The following PACRG variants were observed in gnomAD, a reference collection of about 807,000 sequenced individuals.
PACRG encodes parkin coregulated, also known as parkin coregulated gene protein.
Under a neutral mutation model 29.7 loss-of-function variants are expected in PACRG, and 29 were observed. That is an observed-to-expected ratio of 0.98 (90% CI 0.73 to 1.33). PACRG has a LOEUF of 1.33. Among genes scored for constraint, PACRG ranks in the 40% most tolerant of loss-of-function variants. The pLI is 0.00. For synonymous variants in PACRG, 116 were observed against 118.7 expected (o/e 0.98, Z 0.15); for missense variants, 279 against 316.2 (o/e 0.88, Z 0.89).
chr6:162,882,553 T>C (rs563363346), intron 2 of PACRG, among the ~76,000 whole-genome samples: 1 of 152,036 alleles, frequency 6.6e-6, no homozygotes, highest in Non-Finnish European at 1.5e-5. Flanking sequence ...AGAGGAAGAG[T>C]GTGTAGACCT....
chr6:162,744,899 C>T (rs1044403115), intron 1 of PACRG, among the ~76,000 whole-genome samples: 14 of 151,964 alleles, frequency 9.2e-5, no homozygotes, highest in African/African-American at 2.9e-4. Flanking sequence ...TGTATTTTTT[C>T]GTCTTTTTTT....
At chr6:162,943,922 G>GCTCACACCACACCTGCCATCC (rs2128122336) in intron 2 of PACRG, among the ~76,000 whole-genome samples, 1 of 152,076 alleles carries the variant, frequency 6.6e-6, no homozygotes, top group East Asian at 1.9e-4. Flanking sequence ...TACTGCCATT[G>GCTCACACCACACCTGCCATCC]CTCACACCAC....
At chr6:163,097,173 A>T (rs1814676010) in intron 4 of PACRG, among the ~76,000 whole-genome samples, 1 of 152,144 alleles carries the variant, frequency 6.6e-6, no homozygotes, top group Admixed American at 6.5e-5. Context: ...TCTGTTTTCG[A>T]TTGGCCCTTA....
intron 2 of PACRG, among the ~76,000 whole-genome samples, chr6:162,949,118 G>A (rs546973097): frequency 6.6e-6 from 1 of 152,132 alleles, no homozygotes; most frequent in South Asian, 2.1e-4. Flanking sequence ...GTATATGAAT[G>A]CATTTTAAAA....
intron 4 of PACRG, among the ~76,000 whole-genome samples, chr6:163,160,010 A>T (rs1006322815): frequency 9.2e-5 from 14 of 152,076 alleles, no homozygotes; most frequent in African/African-American, 3.4e-4. Context: ...GTTGGTTAGC[A>T]CTTCTCTGTA....
rs142437511 is a variant in PACRG, at chr6:163,285,248, C to G, written c.614-29579C>G. Reference sequence around the variant, plus strand: ...CTGAACAGATCCAACTCTCCCCTACCGCAGGGCCTTTGCGCAAACCCTTCT... The same window carrying G: ...CTGAACAGATCCAACTCTCCCCTACGGCAGGGCCTTTGCGCAAACCCTTCT... On this transcript the variant is annotated intron_variant, in intron 4 of 4. Transcript: ENST00000366888. Among the ~76,000 whole-genome samples the G allele has an allele frequency of 2.2e-3, 329 of 152,186 alleles. 6 individuals carry two copies. Among genetic ancestry groups the G allele is most frequent in the Admixed American group, 0.019 (297 of 15,274 alleles).
At chr6:162,994,534 C>T (rs926848494) in intron 2 of PACRG, among the ~76,000 whole-genome samples, 17 of 152,158 alleles carry the variant, frequency 1.1e-4, no homozygotes, top group East Asian at 9.7e-4. Flanking sequence ...TTGATCGCAT[C>T]GGCTCTTGAG....
At chr6:162,892,684 G>C (rs1011202347) in intron 2 of PACRG, among the ~76,000 whole-genome samples, 1 of 152,178 alleles carries the variant, frequency 6.6e-6, no homozygotes, top group African/African-American at 2.4e-5. Flanking sequence ...CCCCCCTACA[G>C]TGGTTCACAC....
rs189864155 is a variant in PACRG at position 163,190,721 on chromosome 6, A to C, written c.613+101313A>C. On this transcript the variant is annotated intron_variant, in intron 4 of 4. Coordinates refer to ENST00000366888, the MANE Select transcript of PACRG (RefSeq NM_001080379.2). ...AGTAAAATTTGTTTTGGAGCCTAGA[A>C]CTAGAATTGGGCAAAAGTGTAGGGC... 5.4e-5 allele frequency: 12 copies of C among 222,780 alleles called. No individual in the cohort carries two copies. The East Asian group carries it at 1.5e-3, about 27-fold the overall frequency. The allele number at this position is 222,780 out of a possible 1,614,324, so 13.8% of individuals were successfully genotyped here.
Position 162,747,450 on chromosome 6 carries a change from AT to A in PACRG, c.156+19060del, listed in dbSNP as rs1562557104. 4.3e-5 allele frequency among the ~76,000 whole-genome samples: 5 copies of A among 115,676 alleles called. 1 individual carries two copies. The highest frequency in any genetic ancestry group is 1.9e-4 in the African/African-American group (5 of 26,866). The allele number at this position is 115,676 out of a possible 152,430, so 75.9% of individuals were successfully genotyped here. ...TATATATGTAAAACTATATATATATATAACTATAAATATATATGTAAAACTA... is the reference window on the plus strand; with the variant it reads ...TATATATGTAAAACTATATATATATAAACTATAAATATATATGTAAAACTA... On this transcript the variant is annotated intron_variant, in intron 1 of 4. Coordinates refer to ENST00000366888, the MANE Select transcript of PACRG (RefSeq NM_001080379.2).
chr6:163,139,258 T>C (rs1386240486), intron 4 of PACRG, among the ~76,000 whole-genome samples: 1 of 152,256 alleles, frequency 6.6e-6, no homozygotes, highest in Non-Finnish European at 1.5e-5. Flanking sequence ...TTCTGTGCAC[T>C]GTGTCCAAAT....
At chr6:163,010,681 A>G (rs1339592840) in intron 2 of PACRG, among the ~76,000 whole-genome samples, 1 of 152,076 alleles carries the variant, frequency 6.6e-6, no homozygotes, top group East Asian at 1.9e-4. Flanking sequence ...CTTCATAAAT[A>G]GCATCCACCA....
intron 2 of PACRG, among the ~76,000 whole-genome samples, chr6:162,844,872 CA>C (rs1790217533): frequency 2.0e-5 from 3 of 152,144 alleles, no homozygotes; most frequent in Admixed American, 1.3e-4. Flanking sequence ...GTTACTCCAT[CA>C]TGGCTAGAAG....
At chr6:162,944,776 C>G (rs1021691138) in intron 2 of PACRG, among the ~76,000 whole-genome samples, 1 of 148,184 alleles carries the variant, frequency 6.7e-6, no homozygotes, top group Non-Finnish European at 1.5e-5. Flanking sequence ...CCCAGTCAGA[C>G]AAAAAAAAGG....
At chr6:162,792,840 G>A (rs1051602579) in intron 1 of PACRG, among the ~76,000 whole-genome samples, 3 of 152,190 alleles carry the variant, frequency 2.0e-5, no homozygotes, top group Non-Finnish European at 4.4e-5. Flanking sequence ...TGGCAGAGAT[G>A]ATTTCAGAAA....
chr6:162,957,415 A>G, intron 2 of PACRG: 5 of 544,060 alleles, frequency 9.2e-6, no homozygotes, highest in Non-Finnish European at 1.7e-5. Context: ...CACAGCACGG[A>G]CCCCTCAAAG....
intron 3 of PACRG, among the ~76,000 whole-genome samples, chr6:163,081,421 G>A (rs1044603682): frequency 1.3e-5 from 2 of 152,108 alleles, no homozygotes; most frequent in African/African-American, 4.8e-5. Flanking sequence ...GGTGAGACTT[G>A]CACAACATTG....
At chr6:163,118,910 G>A (rs2763991) in intron 4 of PACRG, among the ~76,000 whole-genome samples, 59,479 of 152,114 alleles carry the variant, frequency 0.39, 13,048 homozygotes, top group African/African-American at 0.58. Context: ...GAAAAACTCT[G>A]AAAACAGAAC....
Position 163,155,733 on chromosome 6 carries a change from C to G in PACRG, c.613+66325C>G, listed in dbSNP as rs945182500. Among the ~76,000 whole-genome samples, 3 of 152,228 alleles carry G rather than the reference C, an allele frequency of 2.0e-5. No homozygotes were observed. The East Asian group carries it at 5.8e-4, about 29-fold the overall frequency. On this transcript the variant is annotated intron_variant, in intron 4 of 4. Coordinates refer to ENST00000366888, the MANE Select transcript of PACRG (RefSeq NM_001080379.2). ...CACTCAACTGACTCTAAGTCTCATG[C>G]CCATTTCAGAAGCCCTAGCTGAGTC...
Sources: allele counts gnomAD v4.1 joint callset (sites outside exome capture counted in the v4.1 genomes callset), GRCh38; gene constraint gnomAD v4.1.1; transcripts MANE v1.5; gene names NCBI Gene and HGNC (gene_info 2026-07-23, HGNC 2026-07-21).